Variants in RNF6 observed in about 807,000 individuals in gnomAD.
The protein encoded by RNF6 is ring finger protein 6.
RNF6 carries 21 observed loss-of-function variants against 50.1 expected under a neutral mutation model. The ratio of observed to expected loss-of-function variants is 0.42; its 90% CI spans 0.30 to 0.60. RNF6 has a LOEUF of 0.60. Among genes scored for constraint, RNF6 ranks in the 20% least tolerant of loss-of-function variants. RNF6 has a pLI of 0.20. For missense variants in RNF6, 698 were observed against 838.2 expected, an observed-to-expected ratio of 0.83 and a Z score of 2.07; for synonymous variants, 255 against 291.8, an observed-to-expected ratio of 0.87 and a Z score of 1.29.
chr13:26,142,539 G>T lies in RNF6; in HGVS notation n.769-10088C>A, dbSNP rs1033507539. On this transcript the variant is annotated intron_variant and non_coding_transcript_variant, in intron 5 of 5. Coordinates refer to the RNF6 transcript ENST00000468480. ...CATATACACCATGGAATACTACGCA[G>T]CCATAAAAAGAATGAAATCATGTCC... 1.1e-4 allele frequency among the ~76,000 whole-genome samples: 16 copies of T among 152,146 alleles called. 1 individual carries two copies. Among genetic ancestry groups the T allele is most frequent in the Admixed American group, 6.5e-5 (1 of 15,268 alleles).
At chr13:26,141,261 C>A (rs926582986) in intron 5 of RNF6, among the ~76,000 whole-genome samples, 3 of 152,024 alleles carry the variant, frequency 2.0e-5, no homozygotes, top group Non-Finnish European at 1.5e-5. Flanking sequence ...TACCCCATCT[C>A]TACTAAAAAT....
rs777310059 is a variant in RNF6 at position 26,214,488 on chromosome 13, C to T, written c.1394G>A (p.Arg465His). Residue 465 changes from arginine (R) to histidine (H), a missense_variant, in exon 5 of 5, where the codon CGT (arginine) becomes CAT (histidine). Transcript: ENST00000381588. ...TYVSTITVPL[R>H]RISENELVEP... ...AACAAGCTCATTCTCAGAAATCCTA[C>T]GAAGAGGAACTGTTATGGTACTAAC... 6 of 1,614,154 alleles carry T rather than the reference C, an allele frequency of 3.7e-6. No individual in the cohort carries two copies. The highest frequency in any genetic ancestry group is 1.7e-5 in the Admixed American group (1 of 60,030).
At chr13:26,152,637 T>A (rs1241698309) in intron 5 of RNF6, among the ~76,000 whole-genome samples, 1 of 152,220 alleles carries the variant, frequency 6.6e-6, no homozygotes, top group African/African-American at 2.4e-5. Flanking sequence ...TGAATCGAAT[T>A]CTCCCGTTTA....
At chr13:26,175,734 C>T (rs1440287796) in intron 5 of RNF6, among the ~76,000 whole-genome samples, 4 of 152,098 alleles carry the variant, frequency 2.6e-5, no homozygotes, top group Non-Finnish European at 5.9e-5. Context: ...CTACCTTCCC[C>T]TCAGCTTCCT....
intron 5 of RNF6, among the ~76,000 whole-genome samples, chr13:26,196,183 T>C (rs1308242095): frequency 2.6e-5 from 4 of 152,164 alleles, no homozygotes; most frequent in South Asian, 2.1e-4. Flanking sequence ...TAAAATCTCT[T>C]ATAAACAACA....
intron 5 of RNF6, among the ~76,000 whole-genome samples, chr13:26,151,873 C>G (rs545809695): frequency 3.7e-4 from 57 of 152,286 alleles, no homozygotes; most frequent in Non-Finnish European, 7.1e-4. Flanking sequence ...TCCCTCTTCT[C>G]CATTTCTCTG....
chr13:26,185,295 C>T (rs1429295479), intron 5 of RNF6, among the ~76,000 whole-genome samples: 1 of 152,126 alleles, frequency 6.6e-6, no homozygotes, highest in Admixed American at 6.5e-5. Flanking sequence ...AGCCATCATC[C>T]CCGACCAAGG....
intron 5 of RNF6, among the ~76,000 whole-genome samples, chr13:26,199,001 T>G (rs1868790371): frequency 6.6e-6 from 1 of 151,912 alleles, no homozygotes; most frequent in Non-Finnish European, 1.5e-5. Flanking sequence ...TGGAGATATA[T>G]ACCATATTGA....
At chr13:26,183,600 A>G (rs999687709) in intron 5 of RNF6, among the ~76,000 whole-genome samples, 27 of 152,196 alleles carry the variant, frequency 1.8e-4, no homozygotes, top group African/African-American at 6.3e-4. Context: ...CAGCTTAAAC[A>G]GATTCTGAAA....
At chr13:26,139,877 C>A (rs1870845517) in intron 5 of RNF6, among the ~76,000 whole-genome samples, 1 of 151,982 alleles carries the variant, frequency 6.6e-6, no homozygotes, top group Admixed American at 6.6e-5. Flanking sequence ...CTCACTGTGT[C>A]CCCCAGGGTG....
At position 26,214,076 on chromosome 13, in the gene RNF6, T is replaced by C. The variant is rs1023109874; in HGVS notation, c.1806A>G (p.Arg602=). ...FLLNESDDDD[R]IRGLTKEQID... is the part of the protein sequence containing the mutation. ...TCTGCTCTTTGGTTAAACCACGTAT[T>C]CGATCATCATCATCACTTTCATTTA... The change falls in exon 5 of 5, where the codon CGA becomes CGG. Residue 602 remains arginine (R), a synonymous_variant. Transcript: ENST00000381588. 1.2e-6 allele frequency: 2 copies of C among 1,614,082 alleles called. No individual in the cohort carries two copies. The highest frequency in any genetic ancestry group is 1.7e-6 in the Non-Finnish European group (2 of 1,180,046).
chr13:26,151,637 C>T (rs1039319390), intron 5 of RNF6, among the ~76,000 whole-genome samples: 69 of 33,004 alleles, frequency 2.1e-3, no homozygotes, highest in Non-Finnish European at 5.9e-3. Flanking sequence ...TTTTTTTTGG[C>T]AGAGGAGACA....
chr13:26,190,542 T>C (rs902862380), intron 5 of RNF6, among the ~76,000 whole-genome samples: 1 of 152,244 alleles, frequency 6.6e-6, no homozygotes, highest in African/African-American at 2.4e-5. Flanking sequence ...AAGGAGAATG[T>C]TGGCCAACCC....
intron 5 of RNF6, among the ~76,000 whole-genome samples, chr13:26,169,665 G>A (rs1014613190): frequency 6.6e-6 from 1 of 152,130 alleles, no homozygotes; most frequent in Non-Finnish European, 1.5e-5. Flanking sequence ...TCTTATAAAC[G>A]TAACCACCAA....
At chr13:26,165,299 G>T (rs1452265292) in intron 5 of RNF6, among the ~76,000 whole-genome samples, 2 of 152,222 alleles carry the variant, frequency 1.3e-5, no homozygotes, top group Non-Finnish European at 2.9e-5. Context: ...AGATTTCGGA[G>T]AATGTATGGA....
intron 1 of RNF6, 195 bp downstream of exon 1, chr13:26,221,808 G>C (rs1017495416): frequency 6.6e-6 from 1 of 152,230 alleles, no homozygotes. Flanking sequence ...CTCAAGTAAC[G>C]CTTCCCTTAG....
At chr13:26,201,972 T>TA (rs1216363021) in intron 5 of RNF6, among the ~76,000 whole-genome samples, 2 of 152,090 alleles carry the variant, frequency 1.3e-5, no homozygotes, top group Non-Finnish European at 2.9e-5. Context: ...AGAGGCTACT[T>TA]ATGAAGGTGT....
chr13:26,138,736 TAACTAAAA>T (rs1363592859), intron 5 of RNF6, among the ~76,000 whole-genome samples: 2 of 152,084 alleles, frequency 1.3e-5, no homozygotes, highest in Non-Finnish European at 2.9e-5. Flanking sequence ...ACTAAGAAAA[TAACTAAAA>T]AATATGTAGT....
rs1040428742 is a variant in RNF6 at position 26,181,361 on chromosome 13, C to T, written n.768+34113G>A. On this transcript the variant is annotated intron_variant and non_coding_transcript_variant, in intron 5 of 5. Transcript: ENST00000468480. ...CATAGGCAGGCAGAGGCCGATCAGGCGTCTGTCTTGTCCTTGAAGAATCTA... is the reference window on the plus strand; with the variant it reads ...CATAGGCAGGCAGAGGCCGATCAGGTGTCTGTCTTGTCCTTGAAGAATCTA... Among the ~76,000 whole-genome samples the T allele has an allele frequency of 4.6e-5, 7 of 152,344 alleles. No homozygotes were observed. The East Asian group carries it at 9.7e-4, about 21-fold the overall frequency.
Sources: allele counts gnomAD v4.1 joint callset (sites outside exome capture counted in the v4.1 genomes callset), GRCh38; gene constraint gnomAD v4.1.1; transcripts MANE v1.5; gene names NCBI Gene and HGNC (gene_info 2026-07-23, HGNC 2026-07-21).